The following GALNS variants were observed in gnomAD, a reference collection of about 807,000 sequenced individuals.
GALNS encodes the protein galactosamine (N-acetyl)-6-sulfatase, also known as N-acetylgalactosamine-6-sulfatase.
A neutral mutation model predicts 65.9 loss-of-function variants in GALNS; 65 were observed. The observed-to-expected ratio is 0.99, with a 90% confidence interval of 0.81 to 1.21. The LOEUF is 1.21. Among genes scored for constraint, GALNS ranks in the 50% most tolerant of loss-of-function variants. The pLI, the probability that GALNS is intolerant of heterozygous loss-of-function variation, is 0.00. For synonymous variants in GALNS, 346 were observed against 288.9 expected, an observed-to-expected ratio of 1.20 and a Z score of -2.00; for missense variants, 776 against 700.7, an observed-to-expected ratio of 1.11 and a Z score of -1.21.
intron 13 of GALNS, chr16:88,817,099 C>T (rs901484606): frequency 1.0e-6 from 1 of 985,354 alleles, no homozygotes; most frequent in African/African-American, 1.7e-5. Flanking sequence ...CTGGGACCCA[C>T]ATCAGCTGTG....
At chr16:88,831,924 T>C (rs906920022) in intron 9 of GALNS, 74 bp downstream of exon 9, 1 of 1,297,892 alleles carries the variant, frequency 7.7e-7, no homozygotes, top group Non-Finnish European at 1.1e-6. Flanking sequence ...AGGTGGCCAG[T>C]GAGGGGCGCA....
chr16:88,839,610 C>T (rs1363166449), intron 4 of GALNS, among the ~76,000 whole-genome samples: 1 of 152,228 alleles, frequency 6.6e-6, no homozygotes, highest in Non-Finnish European at 1.5e-5. Flanking sequence ...CCCTACTGCC[C>T]TGAGAGGGGA....
chr16:88,828,352 TG>T (rs1474701975), intron 9 of GALNS, among the ~76,000 whole-genome samples: 1 of 152,252 alleles, frequency 6.6e-6, no homozygotes, highest in African/African-American at 2.4e-5. Flanking sequence ...CAGGCAGCGA[TG>T]CCTTCCAGAA....
At chr16:88,815,328 C>T (rs929985347) in intron 13 of GALNS, 2 of 985,484 alleles carry the variant, frequency 2.0e-6, no homozygotes, top group South Asian at 4.7e-5. Flanking sequence ...GGAGGGCCCA[C>T]CCTGAGCTTC....
intron 12 of GALNS, among the ~76,000 whole-genome samples, chr16:88,820,843 T>TG (rs1910134277): frequency 6.6e-6 from 1 of 152,176 alleles, no homozygotes; most frequent in African/African-American, 2.4e-5. Context: ...GACCAGCCTG[T>TG]GGGGGGTGTG....
intron 12 of GALNS, 135 bp downstream of exon 12, chr16:88,822,454 T>C: frequency 8.4e-7 from 1 of 1,190,436 alleles, no homozygotes; most frequent in South Asian, 1.3e-5. Flanking sequence ...CACGTGTGGG[T>C]ATGAATAGCA....
At chr16:88,840,142 C>G (rs1331033876) in intron 4 of GALNS, among the ~76,000 whole-genome samples, 2 of 152,224 alleles carry the variant, frequency 1.3e-5, no homozygotes, top group Non-Finnish European at 2.9e-5. Flanking sequence ...GCTGCTTCCT[C>G]TCATCTGAAG....
chr16:88,835,926 C>G (rs1026704548), intron 6 of GALNS, 77 bp from the exon 7 acceptor site: 15 of 1,604,224 alleles, frequency 9.4e-6, no homozygotes, highest in Non-Finnish European at 1.3e-5. Flanking sequence ...CGTCCCCACA[C>G]GTCCCACGGG....
At chr16:88,855,397 A>C (rs1263565243) in intron 1 of GALNS, 2 of 702,630 alleles carry the variant, frequency 2.8e-6, no homozygotes, top group African/African-American at 3.5e-5. Flanking sequence ...TCAAAAGTGA[A>C]AGGATGAAAT....
rs185781911 is a variant in GALNS, at chr16:88,851,665, G to A, written c.120+5093C>T. 3.5e-3 allele frequency among the ~76,000 whole-genome samples: 526 copies of A among 152,282 alleles called. 1 individual carries two copies. Among genetic ancestry groups the A allele is most frequent in the Non-Finnish European group, 5.2e-3 (352 of 68,032 alleles). On this transcript the variant is annotated intron_variant, in intron 1 of 13. Coordinates refer to ENST00000268695, the MANE Select transcript of GALNS (RefSeq NM_000512.5). ...CAGGACACTCCCGCCCAAATAGTGCGCTTTTCCAACGGTCTTAGCTAACGA... is the reference window on the plus strand; with the variant it reads ...CAGGACACTCCCGCCCAAATAGTGCACTTTTCCAACGGTCTTAGCTAACGA...
chr16:88,822,806 G>A lies in GALNS; in HGVS notation c.1243-96C>T, dbSNP rs527755420. The A allele has an allele frequency of 2.2e-4, 336 of 1,529,032 alleles. 4 individuals carry two copies. In the South Asian group the frequency reaches 3.5e-3, roughly 16 times the overall value. 94.7% of individuals were successfully genotyped at this position (1,529,032 alleles called of 1,614,324 possible). A position where few individuals can be genotyped will look rare whatever the true frequency, so the allele number is the denominator to read the frequency against. ...TGTCCTGGAGCCCCTGACTGCGGCC[G>A]TGAGGGGCCTTGTCTGCCTGTGTCC... On this transcript the variant is annotated intron_variant, in intron 11 of 13. Transcript: ENST00000268695.
intron 1 of GALNS, among the ~76,000 whole-genome samples, chr16:88,847,544 C>T (rs555925350): frequency 7.9e-5 from 12 of 152,280 alleles, no homozygotes; most frequent in East Asian, 5.8e-4. Flanking sequence ...ACCTGCCCAT[C>T]GGGCCCTTGT....
chr16:88,825,520 G>A (rs1910782794), intron 10 of GALNS, among the ~76,000 whole-genome samples: 2 of 135,234 alleles, frequency 1.5e-5, no homozygotes, highest in Admixed American at 7.8e-5. Context: ...CTGGGGCTGG[G>A]GTTTCTGGGC....
intron 12 of GALNS, among the ~76,000 whole-genome samples, chr16:88,820,122 C>G (rs1454862695): frequency 1.3e-5 from 2 of 150,862 alleles, no homozygotes; most frequent in African/African-American, 4.9e-5. Flanking sequence ...AGTGACCATG[C>G]CTGGCCCCGT....
At chr16:88,842,074 G>A (rs1967002005) in intron 2 of GALNS, 103 bp from the exon 3 acceptor site, 1 of 1,014,810 alleles carries the variant, frequency 9.9e-7, no homozygotes, top group Admixed American at 2.0e-5. Context: ...TGACAGACGA[G>A]GCACGCGCAG....
chr16:88,817,591 G>A (rs948423933), intron 13 of GALNS, among the ~76,000 whole-genome samples: 2 of 152,206 alleles, frequency 1.3e-5, no homozygotes, highest in Non-Finnish European at 2.9e-5. Context: ...TTCAGAGCCC[G>A]GGAGTTTGGA....
chr16:88,856,211 G>A (rs924931301), intron 1 of GALNS: 6 of 703,022 alleles, frequency 8.5e-6, no homozygotes, highest in East Asian at 8.0e-5. Context: ...CCTGACCTTC[G>A]CTCAGCATTC....
chr16:88,841,148 A>G, intron 3 of GALNS, 54 bp from the exon 4 acceptor site: 1 of 1,379,276 alleles, frequency 7.3e-7, no homozygotes, highest in Non-Finnish European at 1.0e-6. Flanking sequence ...GCTGCCACCA[A>G]CCCCATCCTA....
At chr16:88,821,608 C>G (rs1910225176) in intron 12 of GALNS, among the ~76,000 whole-genome samples, 2 of 152,190 alleles carry the variant, frequency 1.3e-5, no homozygotes, top group Non-Finnish European at 2.9e-5. Flanking sequence ...ACCGCAGGCT[C>G]AGCCCCGTGG....
Sources: gnomAD v4.1 joint callset for allele counts (sites outside exome capture counted in the v4.1 genomes callset) on GRCh38, gnomAD v4.1.1 for gene constraint, MANE v1.5 for transcripts, NCBI Gene and HGNC (gene_info 2026-07-23, HGNC 2026-07-21) for gene names.